The following RPH3AL variants were observed in gnomAD, a reference collection of about 807,000 sequenced individuals.
RPH3AL encodes the protein rab effector Noc2.
In RPH3AL, 38 loss-of-function variants were observed where a neutral mutation model predicts 43.1. The ratio of observed to expected loss-of-function variants is 0.88; its 90% CI spans 0.68 to 1.15. The LOEUF (loss-of-function observed/expected upper bound fraction) is 1.15. Among genes scored for constraint, RPH3AL ranks in the 50% most tolerant of loss-of-function variants. RPH3AL has a pLI of 0.00. For missense variants in RPH3AL, 462 were observed against 423.2 expected (o/e 1.09, Z -0.81); for synonymous variants, 189 against 176.3 (o/e 1.07, Z -0.57).
intron 7 of RPH3AL, 102 bp downstream of exon 7, chr17:247,009 G>T: frequency 7.9e-7 from 1 of 1,263,170 alleles, no homozygotes; most frequent in Non-Finnish European, 1.1e-6. Context: ...GAGCCTCGTG[G>T]ATGGAGGGTG....
chr17:259,885 T>C (rs1409553268), intron 6 of RPH3AL, among the ~76,000 whole-genome samples: 1 of 152,204 alleles, frequency 6.6e-6, no homozygotes, highest in Non-Finnish European at 1.5e-5. Flanking sequence ...ATGATAACAA[T>C]TGCTAATCAC....
At chr17:296,637 G>A (rs11867532) in intron 5 of RPH3AL, among the ~76,000 whole-genome samples, 41,968 of 152,118 alleles carry the variant, frequency 0.28, 5,905 homozygotes, top group Middle Eastern at 0.37. Flanking sequence ...GGCCACCACC[G>A]GTTGCACCTT....
intron 6 of RPH3AL, among the ~76,000 whole-genome samples, chr17:260,981 C>T (rs2042183727): frequency 6.6e-6 from 1 of 152,242 alleles, no homozygotes; most frequent in Non-Finnish European, 1.5e-5. Flanking sequence ...CATGTTTCCA[C>T]AGCTATGCAC....
chr17:352,652 TC>T (rs1293241510), intron 1 of RPH3AL, 59 bp downstream of exon 1: 1 of 152,212 alleles, frequency 6.6e-6, no homozygotes, highest in African/African-American at 2.4e-5. Context: ...GGCCCCTGAC[TC>T]CAGGAAAACA....
intron 1 of RPH3AL, chr17:339,778 C>T (rs866179046): frequency 9.2e-5 from 14 of 152,372 alleles, no homozygotes; most frequent in Admixed American, 2.0e-4. Context: ...GGGTATTCTC[C>T]GAGCACCTGC....
intron 3 of RPH3AL, among the ~76,000 whole-genome samples, chr17:326,107 G>T (rs931916070): frequency 4.6e-5 from 7 of 152,242 alleles, no homozygotes; most frequent in African/African-American, 1.7e-4. Flanking sequence ...CTCCTACCCT[G>T]CCCGGGAGGA....
chr17:250,870 C>T (rs1751600618), intron 6 of RPH3AL, among the ~76,000 whole-genome samples: 1 of 151,762 alleles, frequency 6.6e-6, no homozygotes, highest in African/African-American at 2.4e-5. Context: ...AGCCTAAGCT[C>T]CGTCGCTGTG....
chr17:347,208 G>C (rs2045253810), intron 1 of RPH3AL, among the ~76,000 whole-genome samples: 1 of 81,660 alleles, frequency 1.2e-5, no homozygotes, highest in Non-Finnish European at 3.2e-5. Context: ...CAGTGAGCCA[G>C]GATCATGCCA....
chr17:218,769 C>A (rs551246019), intron 8 of RPH3AL, among the ~76,000 whole-genome samples: 4 of 152,270 alleles, frequency 2.6e-5, no homozygotes, highest in Admixed American at 1.3e-4. Context: ...AGTCAGAAGG[C>A]GCTTTGGAGG....
At chr17:304,982 AG>A (rs1256567738) in intron 5 of RPH3AL, among the ~76,000 whole-genome samples, 7 of 20,720 alleles carry the variant, frequency 3.4e-4, no homozygotes, top group African/African-American at 1.4e-3. Context: ...ACAGGGCGGG[AG>A]GGGGACAGGG....
intron 2 of RPH3AL, chr17:331,852 C>T (rs901253455): frequency 2.6e-5 from 33 of 1,289,000 alleles, no homozygotes; most frequent in African/African-American, 7.6e-5. Flanking sequence ...ACACAGACTG[C>T]GCCCTTGTAC....
chr17:305,254 C>T (rs1345373421), intron 5 of RPH3AL, among the ~76,000 whole-genome samples: 7 of 151,944 alleles, frequency 4.6e-5, no homozygotes, highest in South Asian at 2.1e-4. Flanking sequence ...GTCCAGGCAC[C>T]GGCCGAGTTG....
intron 2 of RPH3AL, chr17:332,015 T>A: frequency 3.7e-6 from 2 of 536,470 alleles, no homozygotes; most frequent in Non-Finnish European, 6.2e-6. Context: ...GGAGGTTCTG[T>A]GGACAGGGCT....
chr17:317,209 A>G (rs1352485845), intron 5 of RPH3AL, among the ~76,000 whole-genome samples: 1 of 130,132 alleles, frequency 7.7e-6, no homozygotes, highest in East Asian at 2.4e-4. Context: ...CCTGTACTCC[A>G]CCTCCATTGA....
At chr17:308,518 T>C (rs2043558848) in intron 5 of RPH3AL, among the ~76,000 whole-genome samples, 2 of 152,236 alleles carry the variant, frequency 1.3e-5, no homozygotes, top group African/African-American at 4.8e-5. Flanking sequence ...TGCAGCATTG[T>C]TCACAATAGC....
chr17:340,481 C>G (rs1302377965), intron 1 of RPH3AL, among the ~76,000 whole-genome samples: 1,529 of 8,860 alleles, frequency 0.17, 663 homozygotes, highest in Middle Eastern at 0.58. Context: ...CACTGCCCCC[C>G]ACCCAGGCCT....
chr17:263,855 A>T (rs1234584542), intron 6 of RPH3AL, among the ~76,000 whole-genome samples: 1 of 152,202 alleles, frequency 6.6e-6, no homozygotes, highest in Non-Finnish European at 1.5e-5. Context: ...CTTCCCACAC[A>T]TCACTGCACC....
rs763481406 is a variant in RPH3AL at position 247,328 on chromosome 17, G to A, written c.439-43C>T. 2.0e-6 allele frequency: 3 copies of A among 1,510,654 alleles called. No homozygotes were observed. The South Asian group carries it at 4.0e-5, about 20-fold the overall frequency. The allele number at this position is 1,510,654 out of a possible 1,614,324, so 93.6% of individuals were successfully genotyped here. ...GCTGCTTGGGGCACAGGACGCAGAG[G>A]AGCCTCCCCTCCTGCTCCTTGCCCA... On this transcript the variant is annotated intron_variant, in intron 6 of 9. Coordinates refer to ENST00000331302, the MANE Select transcript of RPH3AL (RefSeq NM_006987.4).
intron 5 of RPH3AL, among the ~76,000 whole-genome samples, chr17:310,300 C>T (rs535718712): frequency 3.9e-5 from 6 of 152,258 alleles, no homozygotes; most frequent in African/African-American, 1.2e-4. Flanking sequence ...ACGGAGGGGA[C>T]GCAGCTCCGA....
Sources: gnomAD v4.1 joint callset for allele counts (sites outside exome capture counted in the v4.1 genomes callset) on GRCh38, gnomAD v4.1.1 for gene constraint, MANE v1.5 for transcripts, NCBI Gene and HGNC (gene_info 2026-07-23, HGNC 2026-07-21) for gene names.